SLC5A3: variants seen among roughly 807,000 people sequenced by gnomAD.
SLC5A3 encodes the protein solute carrier family 5 member 3, also known as sodium/myo-inositol cotransporter.
In SLC5A3, 10 loss-of-function variants were observed where a neutral mutation model predicts 43.2. The observed-to-expected ratio is 0.23, with a 90% CI of 0.14 to 0.39. The LOEUF (loss-of-function observed/expected upper bound fraction) is 0.39, where lower values mean the gene tolerates loss of function less well. SLC5A3 is among the 10% of genes least tolerant of loss of function. SLC5A3 has a pLI of 1.00. For synonymous variants in SLC5A3, 349 were observed against 322.0 expected (o/e 1.08, Z -0.90); for missense variants, 608 against 893.4 (o/e 0.68, Z 4.07).
At chr21:34,074,188 T>C (rs1989264001) in intron 1 of SLC5A3, among the ~76,000 whole-genome samples, 1 of 149,612 alleles carries the variant, frequency 6.7e-6, no homozygotes, top group Admixed American at 6.6e-5. Flanking sequence ...TCCGTCCCGC[T>C]CCGCCGCCCG....
chr21:34,074,738 A>G (rs1989284418), intron 1 of SLC5A3, among the ~76,000 whole-genome samples: 1 of 152,248 alleles, frequency 6.6e-6, no homozygotes, highest in East Asian at 1.9e-4. Context: ...CTTTGTAAGC[A>G]CAGCTTCCTA....
rs1429573428 is a variant in SLC5A3, at chr21:34,104,484, T to A, written c.*7129T>A. On this transcript the variant is annotated 3_prime_UTR_variant, in exon 2 of 2. Transcript: ENST00000381151. ...AGAATGGGAGAGAAATGACTACCTT[T>A]GTTCCTACTCTTTTATATAATTATC... 2 of 998,046 alleles carry A rather than the reference T, an allele frequency of 2.0e-6. No homozygotes were observed. The highest frequency in any genetic ancestry group is 2.4e-6 in the Non-Finnish European group (2 of 828,762). 61.8% of individuals were successfully genotyped at this position (998,046 alleles called of 1,614,324 possible).
At position 34,095,747 on chromosome 21, in the gene SLC5A3, CACAG is replaced by C; in HGVS notation, c.553_556del (p.Asp185LeufsTer7). ...CCGGAGGCCTTGTTGCAGTGATCTA[CACAG>C]ACACTCTGCAGGCTCTGCTCATGAT... is the stretch of plus-strand genomic sequence containing the variant. On this transcript the variant is annotated frameshift_variant, in exon 2 of 2. Coordinates refer to ENST00000381151, the MANE Select transcript of SLC5A3 (RefSeq NM_006933.7). LOFTEE classifies it high-confidence loss of function. 1.2e-6 allele frequency: 2 copies of C among 1,614,032 alleles called. No individual in the cohort carries two copies. The highest frequency in any genetic ancestry group is 1.7e-6 in the Non-Finnish European group (2 of 1,179,980).
intron 1 of SLC5A3, among the ~76,000 whole-genome samples, chr21:34,075,122 A>G (rs1989295635): frequency 6.6e-6 from 1 of 152,240 alleles, no homozygotes; most frequent in Admixed American, 6.5e-5. Context: ...AAAAGGGAAG[A>G]TTTTTAATTA....
chr21:34,079,475 GC>G (rs1480395667), intron 1 of SLC5A3, among the ~76,000 whole-genome samples: 10 of 151,744 alleles, frequency 6.6e-5, no homozygotes, highest in African/African-American at 2.4e-4. Flanking sequence ...TTGCTGTGTT[GC>G]CTAGGCTGGA....
At position 34,103,039 on chromosome 21, in the gene SLC5A3, C is replaced by A. The variant is rs967805877; in HGVS notation, c.*5684C>A. The A allele has an allele frequency of 1.0e-5, 10 of 999,446 alleles. No individual in the cohort carries two copies. Among genetic ancestry groups the A allele is most frequent in the African/African-American group, 1.7e-5 (1 of 57,184 alleles). 61.9% of individuals were successfully genotyped at this position (999,446 alleles called of 1,614,324 possible). A position where few individuals can be genotyped will look rare whatever the true frequency, so the allele number is the denominator to read the frequency against. On this transcript the variant is annotated 3_prime_UTR_variant, in exon 2 of 2. Coordinates refer to ENST00000381151, the MANE Select transcript of SLC5A3 (RefSeq NM_006933.7). ...ATAAGTTTTCAATTTATCAACATAG[C>A]CTAGACTTCTGTAAGTGGAATGTTC...
intron 1 of SLC5A3, among the ~76,000 whole-genome samples, chr21:34,084,838 A>T (rs1008332519): frequency 2.6e-5 from 4 of 152,304 alleles, no homozygotes; most frequent in African/African-American, 9.6e-5. Flanking sequence ...ATGACTAAAA[A>T]AATTTCAGAC....
chr21:34,098,211 G>T lies in SLC5A3; in HGVS notation c.*856G>T, dbSNP rs1294037329. 2 of 999,190 alleles carry T rather than the reference G, an allele frequency of 2.0e-6. No individual in the cohort carries two copies. Among genetic ancestry groups the T allele is most frequent in the Admixed American group, 1.2e-4 (2 of 16,254 alleles). 61.9% of individuals were successfully genotyped at this position (999,190 alleles called of 1,614,324 possible). On this transcript the variant is annotated 3_prime_UTR_variant, in exon 2 of 2. Coordinates refer to ENST00000381151, the MANE Select transcript of SLC5A3 (RefSeq NM_006933.7). ...CCTAAGCAGTGTTTGATTAACTTAT[G>T]CTAATCAGATGATTACTCATATATT...
chr21:34,086,923 T>G (rs553896908), intron 1 of SLC5A3, among the ~76,000 whole-genome samples: 1 of 152,294 alleles, frequency 6.6e-6, no homozygotes, highest in East Asian at 1.9e-4. Context: ...GACCTGCTCT[T>G]TCAGCTGTGT....
At position 34,106,237 on chromosome 21, in the gene SLC5A3, A is replaced by G. The variant is rs532036785; in HGVS notation, c.*8882A>G. 2 of 912,482 alleles carry G rather than the reference A, an allele frequency of 2.2e-6. No individual in the cohort carries two copies. The highest frequency in any genetic ancestry group is 2.4e-4 in the East Asian group (2 of 8,412). The allele number at this position is 912,482 out of a possible 1,614,324, so 56.5% of individuals were successfully genotyped here. A position where few individuals can be genotyped will look rare whatever the true frequency, so the allele number is the denominator to read the frequency against. On this transcript the variant is annotated 3_prime_UTR_variant, in exon 2 of 2. Transcript: ENST00000381151. ...TGGAAATGTTAGCAATTCTGTACCA[A>G]CTTTGAATAAAATGAAAAATTTATA...
At chr21:34,080,529 G>A (rs1181750354) in intron 1 of SLC5A3, among the ~76,000 whole-genome samples, 1 of 152,052 alleles carries the variant, frequency 6.6e-6, no homozygotes, top group Non-Finnish European at 1.5e-5. Context: ...CCAGTCTCAT[G>A]TTCTTCCAAG....
chr21:34,103,251 C>T lies in SLC5A3; in HGVS notation c.*5896C>T, dbSNP rs905063505. The stretch of plus-strand genomic sequence containing the variant: ...TTGACTCTGCTAGTTTGCACCTTTC[C>T]GTTCTTAACAGAAAATTTGTATTTG... On this transcript the variant is annotated 3_prime_UTR_variant, in exon 2 of 2. Coordinates refer to ENST00000381151, the MANE Select transcript of SLC5A3 (RefSeq NM_006933.7). 27 of 998,176 alleles carry T rather than the reference C, an allele frequency of 2.7e-5. No homozygotes were observed. The Admixed American group carries it at 3.7e-4, about 14-fold the overall frequency. 61.8% of individuals were successfully genotyped at this position (998,176 alleles called of 1,614,324 possible).
chr21:34,076,489 CTA>C (rs1989334749), intron 1 of SLC5A3, among the ~76,000 whole-genome samples: 1 of 152,106 alleles, frequency 6.6e-6, no homozygotes, highest in African/African-American at 2.4e-5. Flanking sequence ...AATTCCAATA[CTA>C]TGTTTTTCTC....
At position 34,097,857 on chromosome 21, in the gene SLC5A3, G is replaced by A. The variant is rs980233966; in HGVS notation, c.*502G>A. On this transcript the variant is annotated 3_prime_UTR_variant, in exon 2 of 2. Coordinates refer to ENST00000381151, the MANE Select transcript of SLC5A3 (RefSeq NM_006933.7). ...TGTGCTTGTGTGATACTTGTTTCAG[G>A]ACAAGTTCATTTGCCAGGTTCATTT... 9 of 994,448 alleles carry A rather than the reference G, an allele frequency of 9.1e-6. No homozygotes were observed. The highest frequency in any genetic ancestry group is 6.2e-5 in the Admixed American group (1 of 16,228). The allele number at this position is 994,448 out of a possible 1,614,324, so 61.6% of individuals were successfully genotyped here.
intron 1 of SLC5A3, among the ~76,000 whole-genome samples, chr21:34,080,056 C>T (rs911576272): frequency 5.9e-5 from 9 of 152,138 alleles, no homozygotes; most frequent in African/African-American, 2.2e-4. Flanking sequence ...TTTGTTTCTT[C>T]CTTGGACTCT....
At chr21:34,087,789 G>A (rs1378689955) in intron 1 of SLC5A3, among the ~76,000 whole-genome samples, 2 of 152,242 alleles carry the variant, frequency 1.3e-5, no homozygotes, top group African/African-American at 4.8e-5. Flanking sequence ...GAGACAAGAG[G>A]CTGGGACAGT....
At chr21:34,079,973 A>G (rs2148652803) in intron 1 of SLC5A3, among the ~76,000 whole-genome samples, 1 of 152,200 alleles carries the variant, frequency 6.6e-6, no homozygotes, top group East Asian at 1.9e-4. Flanking sequence ...GGGCTGAACA[A>G]ATGCAGTTCT....
chr21:34,086,994 A>G (rs909333355), intron 1 of SLC5A3, among the ~76,000 whole-genome samples: 6 of 152,174 alleles, frequency 3.9e-5, no homozygotes, highest in Non-Finnish European at 8.8e-5. Flanking sequence ...GCACACTAAG[A>G]GGTGGATGTC....
Position 34,104,844 on chromosome 21 carries a change from A to C in SLC5A3, c.*7489A>C. On this transcript the variant is annotated 3_prime_UTR_variant, in exon 2 of 2. Coordinates refer to ENST00000381151, the MANE Select transcript of SLC5A3 (RefSeq NM_006933.7). ...TGTACCTTTACATGTTTTTAAATTT[A>C]AGATAGTTTGTAAGAACTGTACAAA... 1.0e-6 allele frequency: 1 copy of C among 1,000,056 alleles called. No individual in the cohort carries two copies. The highest frequency in any genetic ancestry group is 1.7e-5 in the African/African-American group (1 of 57,366). 61.9% of individuals were successfully genotyped at this position (1,000,056 alleles called of 1,614,324 possible).
Sources: gnomAD v4.1 joint callset for allele counts (sites outside exome capture counted in the v4.1 genomes callset) on GRCh38, gnomAD v4.1.1 for gene constraint, MANE v1.5 for transcripts, NCBI Gene and HGNC (gene_info 2026-07-23, HGNC 2026-07-21) for gene names.